The following PDE10A variants were observed in gnomAD, a reference collection of about 807,000 sequenced individuals.
PDE10A encodes phosphodiesterase 10A.
In PDE10A, 39 loss-of-function variants were observed where a neutral mutation model predicts 97.7. The ratio of observed to expected loss-of-function variants is 0.40; its 90% CI spans 0.31 to 0.52. The LOEUF (loss-of-function observed/expected upper bound fraction) is 0.52. PDE10A is among the 20% of genes least tolerant of loss of function. The pLI, the probability that PDE10A is intolerant of heterozygous loss-of-function variation, is 0.56. For synonymous variants in PDE10A, 371 were observed against 376.8 expected (o/e 0.98, Z 0.18); for missense variants, 731 against 1,047.8 (o/e 0.70, Z 4.17).
chr6:165,680,257 T>A (rs1202634377), intron 1 of PDE10A, among the ~76,000 whole-genome samples: 12 of 152,104 alleles, frequency 7.9e-5, no homozygotes, highest in Non-Finnish European at 7.4e-5. Context: ...AAAAAGAGAT[T>A]AAAGGCGGAA....
chr6:165,543,310 A>C, intron 2 of PDE10A, 130 bp downstream of exon 2: 1 of 584,130 alleles, frequency 1.7e-6, no homozygotes, highest in South Asian at 4.7e-5. Context: ...TAAATGGAAT[A>C]ACTCTGATAG....
At chr6:165,813,387 T>C (rs996881173) in intron 1 of PDE10A, among the ~76,000 whole-genome samples, 6 of 152,184 alleles carry the variant, frequency 3.9e-5, no homozygotes, top group Non-Finnish European at 7.3e-5. Flanking sequence ...GGGAACCGCA[T>C]ATGTTATGGA....
At chr6:165,478,289 C>A (rs1779405479) in intron 3 of PDE10A, among the ~76,000 whole-genome samples, 1 of 152,118 alleles carries the variant, frequency 6.6e-6, no homozygotes, top group Non-Finnish European at 1.5e-5. Flanking sequence ...TCTCACCCAC[C>A]ATATACAACT....
chr6:165,342,403 T>C (rs1397689171), intron 19 of PDE10A, among the ~76,000 whole-genome samples: 2 of 152,248 alleles, frequency 1.3e-5, no homozygotes, highest in East Asian at 3.8e-4. Context: ...AAAAAGCTCA[T>C]GCGAGACCAC....
intron 1 of PDE10A, among the ~76,000 whole-genome samples, chr6:165,607,129 T>G (rs1787247947): frequency 6.6e-6 from 1 of 152,186 alleles, no homozygotes; most frequent in African/African-American, 2.4e-5. Context: ...GTATTGAACT[T>G]TAAGAAATCC....
chr6:165,877,735 CTG>C (rs1781381572), intron 1 of PDE10A, among the ~76,000 whole-genome samples: 1 of 152,122 alleles, frequency 6.6e-6, no homozygotes, highest in South Asian at 2.1e-4. Flanking sequence ...TTCACAAAAA[CTG>C]TAACAAAATT....
chr6:165,958,762 AAAGAAGAAAGC>A (rs1784268954), intron 1 of PDE10A, among the ~76,000 whole-genome samples: 1 of 142,840 alleles, frequency 7.0e-6, no homozygotes, highest in African/African-American at 2.6e-5. Context: ...AGAAAGAAAG[AAAGAAGAAAGC>A]AAGCCAGCCA....
At chr6:165,424,467 T>C (rs1005596459) in intron 10 of PDE10A, among the ~76,000 whole-genome samples, 2 of 146,958 alleles carry the variant, frequency 1.4e-5, no homozygotes, top group South Asian at 2.2e-4. Context: ...ATAGAAGAAA[T>C]TGAAAAGAGA....
intron 2 of PDE10A, among the ~76,000 whole-genome samples, chr6:165,486,983 A>G (rs1050015778): frequency 7.9e-5 from 12 of 152,176 alleles, no homozygotes; most frequent in African/African-American, 2.7e-4. Context: ...CTTCTTTCCC[A>G]CGGCTGACAC....
intron 1 of PDE10A, among the ~76,000 whole-genome samples, chr6:165,749,221 C>T (rs1471901836): frequency 8.1e-6 from 1 of 122,850 alleles, no homozygotes; most frequent in Non-Finnish European, 1.7e-5. Flanking sequence ...CCATCACCAT[C>T]ATATCACCAT....
intron 1 of PDE10A, among the ~76,000 whole-genome samples, chr6:165,987,281 C>A (rs778226909): frequency 7.2e-5 from 11 of 152,194 alleles, no homozygotes; most frequent in Non-Finnish European, 1.2e-4. Context: ...CTCTGCAAAC[C>A]CTTGAGTCTT....
intron 1 of PDE10A, among the ~76,000 whole-genome samples, chr6:165,707,687 A>G (rs1003992258): frequency 4.6e-5 from 7 of 151,326 alleles, no homozygotes; most frequent in Admixed American, 4.6e-4. Context: ...GTATGTGAGC[A>G]TGTGTGTGAG....
intron 12 of PDE10A, among the ~76,000 whole-genome samples, chr6:165,415,168 T>A (rs2128228509): frequency 6.6e-6 from 1 of 152,326 alleles, no homozygotes; most frequent in South Asian, 2.1e-4. Context: ...AGATTGGACA[T>A]AAGGATGAGC....
chr6:165,724,997 A>G (rs1272279439), intron 1 of PDE10A, among the ~76,000 whole-genome samples: 1 of 152,212 alleles, frequency 6.6e-6, no homozygotes, highest in Non-Finnish European at 1.5e-5. Flanking sequence ...CCACAGACCT[A>G]GGTGAGAACA....
At chr6:165,619,240 T>TA (rs879288810) in intron 1 of PDE10A, among the ~76,000 whole-genome samples, 11,144 of 138,876 alleles carry the variant, frequency 0.08, 930 homozygotes, top group African/African-American at 0.12. Context: ...TAGACTAGTG[T>TA]GGTGTAGTGT....
At chr6:165,910,641 A>T (rs1290088735) in intron 1 of PDE10A, among the ~76,000 whole-genome samples, 1 of 152,172 alleles carries the variant, frequency 6.6e-6, no homozygotes, top group Non-Finnish European at 1.5e-5. Context: ...TACTTCCTCA[A>T]TTTCTCCATT....
intron 1 of PDE10A, among the ~76,000 whole-genome samples, chr6:165,752,198 A>G (rs1024430488): frequency 2.6e-5 from 4 of 151,132 alleles, no homozygotes; most frequent in Non-Finnish European, 4.4e-5. Context: ...CAGCCTATAC[A>G]CTGCTGAATG....
chr6:165,873,666 A>G (rs776256458), intron 1 of PDE10A, among the ~76,000 whole-genome samples: 2 of 152,222 alleles, frequency 1.3e-5, no homozygotes, highest in Non-Finnish European at 2.9e-5. Flanking sequence ...GACTTTTGCT[A>G]TCAAGGCATA....
At chr6:165,442,158 T>A (rs1790515264) in intron 5 of PDE10A, among the ~76,000 whole-genome samples, 1 of 152,202 alleles carries the variant, frequency 6.6e-6, no homozygotes, top group South Asian at 2.1e-4. Flanking sequence ...TTTTTATTAT[T>A]ATACTTTAAG....
Sources: gnomAD v4.1 joint callset for allele counts (sites outside exome capture counted in the v4.1 genomes callset) on GRCh38, gnomAD v4.1.1 for gene constraint, MANE v1.5 for transcripts, NCBI Gene and HGNC (gene_info 2026-07-23, HGNC 2026-07-21) for gene names.